The following PIP5K1B variants were observed in gnomAD, a reference collection of about 807,000 sequenced individuals.
PIP5K1B encodes the protein phosphatidylinositol-4-phosphate 5-kinase type 1 beta.
A neutral mutation model predicts 67.0 loss-of-function variants in PIP5K1B; 42 were observed. The observed-to-expected ratio is 0.63, with a 90% CI of 0.49 to 0.81. PIP5K1B has a LOEUF of 0.81. Ranked by LOEUF, PIP5K1B falls within the 30% of genes least tolerant of loss-of-function variation. The probability of loss-of-function intolerance (pLI) is 0.00; values close to 1 mark genes in which losing one functional copy is unlikely to be tolerated. For missense variants in PIP5K1B, 459 were observed against 646.3 expected (o/e 0.71, Z 3.14); for synonymous variants, 214 against 231.4 (o/e 0.92, Z 0.68).
At chr9:68,838,511 G>T (rs2132141110) in intron 4 of PIP5K1B, among the ~76,000 whole-genome samples, 1 of 152,214 alleles carries the variant, frequency 6.6e-6, no homozygotes, top group East Asian at 1.9e-4. Context: ...GTATACTGTT[G>T]TCTTTTAGCT....
chr9:68,757,357 G>C (rs1211563183), intron 2 of PIP5K1B, among the ~76,000 whole-genome samples: 2 of 152,082 alleles, frequency 1.3e-5, no homozygotes, highest in Non-Finnish European at 2.9e-5. Context: ...AAAAGAAAGA[G>C]GTTGGCATTA....
intron 6 of PIP5K1B, among the ~76,000 whole-genome samples, chr9:68,882,536 T>C (rs1413875564): frequency 1.3e-5 from 2 of 152,202 alleles, no homozygotes; most frequent in African/African-American, 2.4e-5. Context: ...ATGTCACTGC[T>C]TATAGAAGAA....
chr9:68,887,486 G>T (rs117337991), intron 6 of PIP5K1B, among the ~76,000 whole-genome samples: 2 of 152,154 alleles, frequency 1.3e-5, no homozygotes, highest in South Asian at 4.2e-4. Context: ...AGGAGGCTGG[G>T]TCATTCATGG....
At chr9:68,949,844 A>C (rs1359789941) in intron 14 of PIP5K1B, among the ~76,000 whole-genome samples, 2 of 152,214 alleles carry the variant, frequency 1.3e-5, no homozygotes, top group Admixed American at 6.5e-5. Flanking sequence ...TGAGGCACAG[A>C]AACTACTGGC....
intron 4 of PIP5K1B, among the ~76,000 whole-genome samples, chr9:68,837,454 T>C (rs942208553): frequency 7.9e-5 from 12 of 152,200 alleles, no homozygotes; most frequent in African/African-American, 2.9e-4. Flanking sequence ...TAAGTTAGAC[T>C]TTTTCAGATG....
At chr9:68,837,607 G>GT (rs57120656) in intron 4 of PIP5K1B, among the ~76,000 whole-genome samples, 17,318 of 111,724 alleles carry the variant, frequency 0.16, 1,476 homozygotes, top group Non-Finnish European at 0.18. Context: ...CTTACTTTGT[G>GT]TTTTTTTTTT....
intron 4 of PIP5K1B, 139 bp downstream of exon 4, chr9:68,822,822 A>C (rs1833796297): frequency 3.0e-6 from 2 of 658,338 alleles, no homozygotes; most frequent in South Asian, 1.9e-5. Flanking sequence ...TAATTACTGC[A>C]AATTTAGTGG....
At chr9:68,754,104 T>A (rs10114685) in intron 2 of PIP5K1B, among the ~76,000 whole-genome samples, 5,458 of 152,010 alleles carry the variant, frequency 0.036, 348 homozygotes, top group African/African-American at 0.13. Context: ...ATCTTTACAG[T>A]TAAGCTTTAA....
At chr9:68,960,199 G>A (rs147568772) in intron 14 of PIP5K1B, among the ~76,000 whole-genome samples, 272 of 152,304 alleles carry the variant, frequency 1.8e-3, no homozygotes, top group African/African-American at 6.2e-3. Flanking sequence ...GGTTTTCAAA[G>A]GCATTATTCC....
At chr9:68,733,695 AGTGGC>A (rs1828575316) in intron 1 of PIP5K1B, among the ~76,000 whole-genome samples, 1 of 120,582 alleles carries the variant, frequency 8.3e-6, no homozygotes, top group African/African-American at 3.3e-5. Context: ...GCTGGAGTGC[AGTGGC>A]GTGATCTCAG....
chr9:68,837,672 C>A (rs140052526), intron 4 of PIP5K1B, among the ~76,000 whole-genome samples: 102 of 140,628 alleles, frequency 7.3e-4, no homozygotes, highest in African/African-American at 2.2e-3. Flanking sequence ...TCCCTTAAGG[C>A]TTTTATCTTT....
intron 2 of PIP5K1B, chr9:68,783,942 G>A (rs749519213): frequency 4.8e-5 from 8 of 167,130 alleles, no homozygotes; most frequent in African/African-American, 1.9e-4. Context: ...TGGGCTAGGA[G>A]GCCCTGAGGA....
Position 68,836,142 on chromosome 9 carries a change from G to A in PIP5K1B, c.69+13459G>A, listed in dbSNP as rs780740842. 4.7e-4 allele frequency among the ~76,000 whole-genome samples: 72 copies of A among 152,200 alleles called. 1 individual carries two copies. The highest frequency in any genetic ancestry group is 2.9e-3 in the Admixed American group (44 of 15,288). On this transcript the variant is annotated intron_variant, in intron 4 of 15. Transcript: ENST00000265382. Reference sequence around the variant, plus strand: ...AGTGGGCAGACAACATCTAAAACCCGTTCATGGGTTTTAAAGAAAATCATG... The same window carrying A: ...AGTGGGCAGACAACATCTAAAACCCATTCATGGGTTTTAAAGAAAATCATG...
chr9:68,960,762 A>C (rs796179772), intron 14 of PIP5K1B, among the ~76,000 whole-genome samples: 18 of 152,316 alleles, frequency 1.2e-4, no homozygotes, highest in African/African-American at 3.8e-4. Context: ...CTGAGGAAGT[A>C]AATAATAGTT....
chr9:68,917,525 T>C, intron 8 of PIP5K1B, 23 bp from the exon 9 acceptor site: 1 of 1,587,648 alleles, frequency 6.3e-7, no homozygotes, highest in East Asian at 2.2e-5. Flanking sequence ...TTGACTGGCT[T>C]CCTGGTTCTT....
chr9:68,913,702 CT>C (rs1333423810), intron 8 of PIP5K1B, among the ~76,000 whole-genome samples: 1 of 152,102 alleles, frequency 6.6e-6, no homozygotes, highest in African/African-American at 2.4e-5. Flanking sequence ...GATAGAATTT[CT>C]TTTTTTAAGC....
intron 4 of PIP5K1B, among the ~76,000 whole-genome samples, chr9:68,826,053 C>G (rs1315922275): frequency 1.3e-5 from 2 of 152,192 alleles, no homozygotes; most frequent in African/African-American, 4.8e-5. Context: ...TTGGCAAGCC[C>G]GGGAAGAACA....
chr9:68,965,098 A>G (rs1828949264), intron 14 of PIP5K1B, among the ~76,000 whole-genome samples: 1 of 152,230 alleles, frequency 6.6e-6, no homozygotes, highest in Non-Finnish European at 1.5e-5. Flanking sequence ...CTTTCGAATT[A>G]GAATGCCACT....
At chr9:68,860,216 CTGGTAA>C in intron 4 of PIP5K1B, among the ~76,000 whole-genome samples, 1 of 152,144 alleles carries the variant, frequency 6.6e-6, no homozygotes, top group Non-Finnish European at 1.5e-5. Context: ...CAACCAGCCC[CTGGTAA>C]CTGGCATTCT....
Sources: gnomAD v4.1 joint callset for allele counts (sites outside exome capture counted in the v4.1 genomes callset) on GRCh38, gnomAD v4.1.1 for gene constraint, MANE v1.5 for transcripts, NCBI Gene and HGNC (gene_info 2026-07-23, HGNC 2026-07-21) for gene names.